The following RBFOX3 variants were observed in gnomAD, a reference collection of about 807,000 sequenced individuals.
RBFOX3 encodes the protein RNA binding fox-1 homolog 3.
RBFOX3 carries 17 observed loss-of-function variants against 48.7 expected under a neutral mutation model. The observed-to-expected ratio is 0.35, with a 90% CI of 0.24 to 0.52. The LOEUF (loss-of-function observed/expected upper bound fraction) is 0.52. RBFOX3 is among the 20% of genes least tolerant of loss of function. The pLI is 0.94. For synonymous variants in RBFOX3, 212 were observed against 209.5 expected, an observed-to-expected ratio of 1.01 and a Z score of -0.10; for missense variants, 382 against 497.5, an observed-to-expected ratio of 0.77 and a Z score of 2.21.
rs1196432878 is a variant in RBFOX3, at chr17:79,477,499, T to C, written c.-175+4955A>G. 6.6e-6 allele frequency among the ~76,000 whole-genome samples: 1 copy of C among 150,728 alleles called. No individual in the cohort carries two copies. The highest frequency in any genetic ancestry group is 1.5e-5 in the Non-Finnish European group (1 of 67,760). On this transcript the variant is annotated intron_variant, in intron 2 of 14. Coordinates refer to ENST00000693108, the MANE Select transcript of RBFOX3 (RefSeq NM_001350451.2). The surrounding 1 kb of genome is among the most constrained non-coding windows in gnomAD (Gnocchi z 4.8). ...TGAACCCGGGAGGCGGAGTTTGCAG[T>C]GAGCTGAGATCGCCCCATCGCACTC...
rs180743081 is a variant in RBFOX3 at position 79,208,839 on chromosome 17, G to A, written c.-34+26927C>T. On this transcript the variant is annotated intron_variant, in intron 4 of 14. Transcript: ENST00000693108. ...CTTTCTTTTTTTTTTTGTTTGAGAC[G>A]GAGTCTCGCTCCGTCGCCCAGGCTG... 4.4e-3 allele frequency among the ~76,000 whole-genome samples: 669 copies of A among 151,312 alleles called. 2 individuals carry two copies. Among genetic ancestry groups the A allele is most frequent in the Admixed American group, 6.6e-3 (101 of 15,246 alleles).
intron 4 of RBFOX3, among the ~76,000 whole-genome samples, chr17:79,133,886 T>C (rs1012122830): frequency 2.6e-5 from 4 of 152,220 alleles, no homozygotes; most frequent in African/African-American, 4.8e-5. Context: ...GAGCAGCCCC[T>C]GGGCCTCTCT....
chr17:79,593,189 A>AC (rs1252037944), intron 1 of RBFOX3, among the ~76,000 whole-genome samples: 1 of 150,888 alleles, frequency 6.6e-6, no homozygotes, highest in African/African-American at 2.4e-5. Flanking sequence ...CCCCCAGGAG[A>AC]CCCCACATCC....
intron 2 of RBFOX3, among the ~76,000 whole-genome samples, chr17:79,404,071 C>T (rs1479803809): frequency 6.6e-6 from 1 of 152,234 alleles, no homozygotes; most frequent in Non-Finnish European, 1.5e-5. Flanking sequence ...AACCACCACA[C>T]CCGGCCCAGG....
At chr17:79,641,081 T>C in the RBFOX3 span, among the ~76,000 whole-genome samples, 3 of 152,302 alleles carry the variant, frequency 2.0e-5, no homozygotes, top group Admixed American at 6.5e-5. Context: ...ATCCAAAATA[T>C]ATAAGGAACT....
chr17:79,270,533 C>A (rs1348450584), intron 3 of RBFOX3, among the ~76,000 whole-genome samples: 4 of 152,258 alleles, frequency 2.6e-5, no homozygotes, highest in African/African-American at 9.6e-5. Context: ...ATGGCCACCT[C>A]TCTTCTTTCC....
intron 4 of RBFOX3, among the ~76,000 whole-genome samples, chr17:79,134,115 C>T (rs991747586): frequency 6.6e-6 from 1 of 152,246 alleles, no homozygotes; most frequent in African/African-American, 2.4e-5. Flanking sequence ...CTGCACCCAG[C>T]AGCCTCAGGT....
chr17:79,090,737 T>C lies in RBFOX3; in HGVS notation c.*146A>G. ...GGGCGTGTGGCCAGGACGCGGGACT[T>C]GGACTTGGTTGGATGCCTCTTGGTT... On this transcript the variant is annotated 3_prime_UTR_variant, in exon 15 of 15. Transcript: ENST00000693108. 1 of 1,028,968 alleles carries C rather than the reference T, an allele frequency of 9.7e-7. No homozygotes were observed. The highest frequency in any genetic ancestry group is 1.4e-6 in the Non-Finnish European group (1 of 717,536). The allele number at this position is 1,028,968 out of a possible 1,614,324, so 63.7% of individuals were successfully genotyped here.
intron 3 of RBFOX3, among the ~76,000 whole-genome samples, chr17:79,250,087 T>G (rs1017559124): frequency 4.6e-5 from 7 of 152,200 alleles, no homozygotes; most frequent in African/African-American, 1.7e-4. Flanking sequence ...GAGTTTCCAC[T>G]GCCACAGCCG....
intron 3 of RBFOX3, among the ~76,000 whole-genome samples, chr17:79,286,446 A>AG (rs1262408906): frequency 1.3e-5 from 2 of 152,100 alleles, no homozygotes; most frequent in African/African-American, 4.8e-5. Context: ...CTCCCCCTGC[A>AG]GCCTGCTCCC....
chr17:79,157,062 G>C (rs1168216196), intron 4 of RBFOX3, among the ~76,000 whole-genome samples: 3 of 152,190 alleles, frequency 2.0e-5, no homozygotes, highest in African/African-American at 7.2e-5. Context: ...CCAGGGAGGC[G>C]GTGGAGGTGG....
chr17:79,646,138 G>A, the RBFOX3 span, among the ~76,000 whole-genome samples: 508 of 152,030 alleles, frequency 3.3e-3, 2 homozygotes, highest in East Asian at 0.027. Flanking sequence ...GAAAGACACC[G>A]TGATCTGTCA....
intron 3 of RBFOX3, among the ~76,000 whole-genome samples, chr17:79,271,160 C>T (rs2067622990): frequency 6.6e-6 from 1 of 151,958 alleles, no homozygotes; most frequent in Non-Finnish European, 1.5e-5. Context: ...ACTGCAACCT[C>T]TGCCTCCCGG....
intron 1 of RBFOX3, among the ~76,000 whole-genome samples, chr17:79,586,389 C>G (rs1248808987): frequency 1.3e-5 from 2 of 152,242 alleles, no homozygotes; most frequent in Non-Finnish European, 2.9e-5. Flanking sequence ...GCAAGCCCAG[C>G]TGGGACCAGC....
At chr17:79,336,985 T>A (rs757529537) in intron 2 of RBFOX3, among the ~76,000 whole-genome samples, 1 of 152,156 alleles carries the variant, frequency 6.6e-6, no homozygotes, top group Non-Finnish European at 1.5e-5. Context: ...CTGGGCATGG[T>A]AGTGCACGCC....
At chr17:79,092,189 C>A in intron 14 of RBFOX3, 1 of 985,516 alleles carries the variant, frequency 1.0e-6, no homozygotes, top group Non-Finnish European at 1.2e-6. Context: ...TTGTTCTGTG[C>A]AGCCTGGGAG....
In RBFOX3 at chr17:79,125,707, C is replaced by T. The variant is rs937204197; in HGVS notation, c.-33-9959G>A. Reference sequence around the variant, plus strand: ...GACAATGAAGCTAATTGCCTTCAGACGGCTCCCGCCTGCGGGAAGGGCGCC... The same window carrying T: ...GACAATGAAGCTAATTGCCTTCAGATGGCTCCCGCCTGCGGGAAGGGCGCC... On this transcript the variant is annotated intron_variant, in intron 4 of 14. Transcript: ENST00000693108. Among the ~76,000 whole-genome samples, 5 of 152,352 alleles carry T rather than the reference C, an allele frequency of 3.3e-5. No homozygotes were observed. In the South Asian group the frequency reaches 6.2e-4, roughly 19 times the overall value.
At chr17:79,213,713 G>A (rs556453494) in intron 4 of RBFOX3, among the ~76,000 whole-genome samples, 8 of 152,174 alleles carry the variant, frequency 5.3e-5, no homozygotes, top group Non-Finnish European at 1.0e-4. Flanking sequence ...ACTCGGCACC[G>A]CCAACAAATG....
At position 79,252,354 on chromosome 17, in the gene RBFOX3, C is replaced by T. The variant is rs979630874; in HGVS notation, c.-73-16549G>A. 6.6e-6 allele frequency among the ~76,000 whole-genome samples: 1 copy of T among 152,194 alleles called. No homozygotes were observed. The highest frequency in any genetic ancestry group is 1.5e-5 in the Non-Finnish European group (1 of 68,026). ...CATGGCTGAGGCTCAGGGTCTTCTC[C>T]CAGAAACCTGGTCCTAGCTCAGTGG... On this transcript the variant is annotated intron_variant, in intron 3 of 14. Coordinates refer to ENST00000693108, the MANE Select transcript of RBFOX3 (RefSeq NM_001350451.2). This position sits in a 1 kb window ranked among gnomAD's most constrained non-coding sequence, Gnocchi z 4.0.
Sources: allele counts gnomAD v4.1 joint callset (sites outside exome capture counted in the v4.1 genomes callset), GRCh38; gene constraint gnomAD v4.1.1; non-coding constraint Gnocchi (gnomAD v3.1); transcripts MANE v1.5; gene names NCBI Gene and HGNC (gene_info 2026-07-23, HGNC 2026-07-21).